The following ATXN7L1 variants were observed in gnomAD, a reference collection of about 807,000 sequenced individuals.
ATXN7L1 encodes ataxin-7-like protein 1.
In ATXN7L1, 15 loss-of-function variants were observed where a neutral mutation model predicts 70.8. That is an observed-to-expected ratio of 0.21 (90% CI 0.14 to 0.33). The LOEUF (loss-of-function observed/expected upper bound fraction) is 0.33. Among genes scored for constraint, ATXN7L1 ranks in the 10% least tolerant of loss-of-function variants. ATXN7L1 has a pLI of 1.00. For synonymous variants in ATXN7L1, 440 were observed against 445.1 expected (o/e 0.99, Z 0.14); for missense variants, 975 against 1,097.1 (o/e 0.89, Z 1.57).
intron 11 of ATXN7L1, among the ~76,000 whole-genome samples, chr7:105,609,933 G>C (rs1179047745): frequency 6.6e-6 from 1 of 152,044 alleles, no homozygotes. Context: ...CACCACGCCC[G>C]GTTACTTTTT....
At chr7:105,716,126 C>G (rs1794515457) in intron 3 of ATXN7L1, among the ~76,000 whole-genome samples, 1 of 151,992 alleles carries the variant, frequency 6.6e-6, no homozygotes. Flanking sequence ...CATTATTAGT[C>G]TGTTTTTCAA....
chr7:105,658,629 C>T (rs1287553607), intron 4 of ATXN7L1, among the ~76,000 whole-genome samples: 1 of 148,656 alleles, frequency 6.7e-6, no homozygotes, highest in East Asian at 2.0e-4. Context: ...CTCCCAGGTT[C>T]AAGCAAGTCT....
chr7:105,701,992 C>T (rs1792519763), intron 3 of ATXN7L1, among the ~76,000 whole-genome samples: 1 of 152,220 alleles, frequency 6.6e-6, no homozygotes, highest in East Asian at 1.9e-4. Context: ...ACTTCCTTGG[C>T]AGCAGCAGGC....
Position 105,642,973 on chromosome 7 carries a change from G to C in ATXN7L1, c.727C>G (p.Pro243Ala). Residue 243 changes from proline (P) to alanine (A), a missense_variant, in exon 5 of 12, where the codon CCT becomes GCT. Pro to Ala is a conservative substitution (Grantham distance 27). Transcript: ENST00000419735. ...SAVSTPPLIK[P>A]VLMSKSVPPS... ...GGCACTGACTTGGACATCAGGACAG[G>C]CTTAATTAAAGGAGGGGTGGAGACG... 6.4e-7 allele frequency: 1 copy of C among 1,551,812 alleles called. No individual in the cohort carries two copies. The highest frequency in any genetic ancestry group is 8.7e-7 in the Non-Finnish European group (1 of 1,147,008).
chr7:105,731,724 T>A (rs995304301), intron 3 of ATXN7L1, among the ~76,000 whole-genome samples: 3 of 60,866 alleles, frequency 4.9e-5, no homozygotes, highest in African/African-American at 2.8e-4. Context: ...CGTGAGCCAC[T>A]GCACCTGGGC....
chr7:105,675,510 C>T (rs1245393690), intron 3 of ATXN7L1, among the ~76,000 whole-genome samples: 6 of 151,976 alleles, frequency 3.9e-5, no homozygotes, highest in South Asian at 2.1e-4. Flanking sequence ...CTGTAATCCC[C>T]GCTACTCGGG....
chr7:105,664,643 TCAC>T (rs1802330354), intron 4 of ATXN7L1, among the ~76,000 whole-genome samples: 2 of 150,344 alleles, frequency 1.3e-5, no homozygotes, highest in South Asian at 4.2e-4. Flanking sequence ...TGATCTCGGC[TCAC>T]CACAACTCCG....
chr7:105,671,104 CAAAAAAAAAA>C (rs71155469), intron 3 of ATXN7L1, among the ~76,000 whole-genome samples: 6,254 of 89,726 alleles, frequency 0.07, 539 homozygotes, highest in South Asian at 0.14. Flanking sequence ...GACTACGTCT[CAAAAAAAAAA>C]AAAAAAAAAA....
intron 3 of ATXN7L1, among the ~76,000 whole-genome samples, chr7:105,746,478 C>T (rs1798602848): frequency 6.6e-6 from 1 of 152,202 alleles, no homozygotes; most frequent in Non-Finnish European, 1.5e-5. Context: ...CCAGCTTCTG[C>T]GTCTCTCCCC....
intron 3 of ATXN7L1, among the ~76,000 whole-genome samples, chr7:105,734,754 A>G (rs939081157): frequency 6.6e-6 from 1 of 151,836 alleles, no homozygotes; most frequent in Non-Finnish European, 1.5e-5. Flanking sequence ...ACCAGGCCCT[A>G]TTCAAAAGGA....
chr7:105,786,584 A>T (rs75198823), intron 3 of ATXN7L1, among the ~76,000 whole-genome samples: 5,792 of 152,240 alleles, frequency 0.038, 156 homozygotes, highest in Admixed American at 0.074. Flanking sequence ...ACAATGGCAC[A>T]ATCATAGCTC....
chr7:105,757,442 G>A (rs987086807), intron 3 of ATXN7L1, among the ~76,000 whole-genome samples: 5 of 151,392 alleles, frequency 3.3e-5, no homozygotes, highest in African/African-American at 1.2e-4. Context: ...ATGCTCTGGG[G>A]TATATGCAAT....
chr7:105,833,450 A>G (rs1811924130), intron 2 of ATXN7L1, among the ~76,000 whole-genome samples: 1 of 152,228 alleles, frequency 6.6e-6, no homozygotes, highest in African/African-American at 2.4e-5. Context: ...GAGCAAATAG[A>G]TGTACTCACA....
At chr7:105,646,448 G>A (rs1391028538) in intron 4 of ATXN7L1, among the ~76,000 whole-genome samples, 1 of 152,046 alleles carries the variant, frequency 6.6e-6, no homozygotes, top group African/African-American at 2.4e-5. Flanking sequence ...TTGAGACAGT[G>A]TCTCTGTCAC....
intron 4 of ATXN7L1, among the ~76,000 whole-genome samples, chr7:105,649,799 C>T (rs767949376): frequency 2.6e-5 from 4 of 152,194 alleles, no homozygotes; most frequent in Non-Finnish European, 4.4e-5. Context: ...CAGGCAGGAG[C>T]CTGAAGACAT....
At chr7:105,634,770 A>T (rs1797118481) in intron 7 of ATXN7L1, among the ~76,000 whole-genome samples, 1 of 152,108 alleles carries the variant, frequency 6.6e-6, no homozygotes, top group Non-Finnish European at 1.5e-5. Context: ...CACAGGGACA[A>T]ATATATAAGA....
rs28434246 is a variant in ATXN7L1 at position 105,742,462 on chromosome 7, G to A, written c.355+46142C>T. The stretch of plus-strand genomic sequence containing the variant: ...CCAATTTTCACAACCACCCTATTAT[G>A]TGTGTACTATGCTTATGCTCATTTT... On this transcript the variant is annotated intron_variant, in intron 3 of 11. Coordinates refer to ENST00000419735, the MANE Select transcript of ATXN7L1 (RefSeq NM_020725.2). 7.2e-3 allele frequency among the ~76,000 whole-genome samples: 1,091 copies of A among 152,280 alleles called. 11 individuals carry two copies. The highest frequency in any genetic ancestry group is 0.024 in the African/African-American group (1,015 of 41,550).
intron 3 of ATXN7L1, among the ~76,000 whole-genome samples, chr7:105,692,333 T>C (rs1004001741): frequency 5.3e-5 from 8 of 151,654 alleles, no homozygotes; most frequent in African/African-American, 1.9e-4. Flanking sequence ...GTAAATCCCA[T>C]AGGAGAAGAA....
intron 3 of ATXN7L1, among the ~76,000 whole-genome samples, chr7:105,758,969 G>A (rs571032263): frequency 6.6e-6 from 1 of 152,222 alleles, no homozygotes; most frequent in African/African-American, 2.4e-5. Flanking sequence ...GGGGTCCGTG[G>A]GGTGGCCGGG....
Sources: allele counts gnomAD v4.1 joint callset (sites outside exome capture counted in the v4.1 genomes callset), GRCh38; gene constraint gnomAD v4.1.1; transcripts MANE v1.5; gene names NCBI Gene and HGNC (gene_info 2026-07-23, HGNC 2026-07-21).